SULT1A1: variants seen among roughly 807,000 people sequenced by gnomAD.
The protein encoded by SULT1A1 is sulfotransferase 1A1.
Under a neutral mutation model 36.8 loss-of-function variants are expected in SULT1A1, and 35 were observed. The ratio of observed to expected loss-of-function variants is 0.95; its 90% CI spans 0.73 to 1.26. SULT1A1 has a LOEUF of 1.26. Among genes scored for constraint, SULT1A1 ranks in the 50% most tolerant of loss-of-function variants. The pLI is 0.00. For synonymous variants in SULT1A1, 119 were observed against 146.0 expected (o/e 0.82, Z 1.33); for missense variants, 309 against 383.0 (o/e 0.81, Z 1.61).
Position 28,605,653 on chromosome 16 carries a change from G to T in SULT1A1, c.*168C>A. The T allele has an allele frequency of 9.1e-7, 1 of 1,097,340 alleles. No homozygotes were observed. Among genetic ancestry groups the T allele is most frequent in the Non-Finnish European group, 1.3e-6 (1 of 743,036 alleles). 68.0% of individuals were successfully genotyped at this position (1,097,340 alleles called of 1,614,324 possible). A position where few individuals can be genotyped will look rare whatever the true frequency, so the allele number is the denominator to read the frequency against. ...AACAGAATCTCACTATGTTGCCCAG[G>T]TTGGTCTCGAACTCCTGGGCTCAAA... On this transcript the variant is annotated 3_prime_UTR_variant, in exon 8 of 8. Transcript: ENST00000314752.
upstream of SULT1A1, chr16:28,610,599 A>G (rs2047414400): frequency 4.9e-6 from 1 of 202,278 alleles, no homozygotes; most frequent in South Asian, 6.8e-5. Context: ...GCATGGATGC[A>G]TAGAACAAGA....
chr16:28,608,240 G>A lies in SULT1A1; in HGVS notation c.372+51C>T, dbSNP rs778739507. ...AACCTCAGGTGATCTGCCTGCCTCAGCCTCCCAAAGTGCTGGGATTATGGA... is the reference window on the plus strand; with the variant it reads ...AACCTCAGGTGATCTGCCTGCCTCAACCTCCCAAAGTGCTGGGATTATGGA... On this transcript the variant is annotated intron_variant, in intron 4 of 7. Coordinates refer to ENST00000314752, the MANE Select transcript of SULT1A1 (RefSeq NM_001055.4). 5.5e-5 allele frequency: 88 copies of A among 1,604,142 alleles called. 1 individual carries two copies. The South Asian group carries it at 9.2e-4, about 17-fold the overall frequency.
At chr16:28,623,103 CCCCCAGGTT>C in intron 1 of SULT1A1, 1 of 1,470,908 alleles carries the variant, frequency 6.8e-7, no homozygotes, top group Non-Finnish European at 9.2e-7. Context: ...CTGGTCCCAC[CCCCCAGGTT>C]CCCCCCCCGG....
intron 2 of SULT1A1, 39 bp downstream of exon 2, chr16:28,608,669 C>T: frequency 6.2e-7 from 1 of 1,611,466 alleles, no homozygotes; most frequent in East Asian, 2.2e-5. Context: ...AAGGTGGGGA[C>T]TGCCACCTGG....
chr16:28,611,232 CA>C (rs2047442398), upstream of SULT1A1: 1 of 152,126 alleles, frequency 6.6e-6, no homozygotes, highest in South Asian at 2.1e-4. Flanking sequence ...AGAGTGGTAG[CA>C]AGTGAATACA....
chr16:28,608,457 A>C, intron 3 of SULT1A1, 21 bp downstream of exon 3: 2 of 1,612,340 alleles, frequency 1.2e-6, no homozygotes, highest in Admixed American at 1.7e-5. Context: ...CTCCCCTTGC[A>C]CCCAGGACAC....
rs1268093093 is a variant in SULT1A1 at position 28,605,589 on chromosome 16, C to A, written c.*232G>T. On this transcript the variant is annotated 3_prime_UTR_variant, in exon 8 of 8. Coordinates refer to ENST00000314752, the MANE Select transcript of SULT1A1 (RefSeq NM_001055.4). ...GCCTGGCCCACAATCATATTTTATTCTCTTTTTAAAAATTGGTTTTATTTT... is the reference window on the plus strand; with the variant it reads ...GCCTGGCCCACAATCATATTTTATTATCTTTTTAAAAATTGGTTTTATTTT... 1.4e-6 allele frequency: 1 copy of A among 737,302 alleles called. No homozygotes were observed. Among genetic ancestry groups the A allele is most frequent in the African/African-American group, 1.7e-5 (1 of 58,640 alleles). The allele number at this position is 737,302 out of a possible 1,614,324, so 45.7% of individuals were successfully genotyped here. A position where few individuals can be genotyped will look rare whatever the true frequency, so the allele number is the denominator to read the frequency against.
chr16:28,623,113 C>A (rs770011534), intron 1 of SULT1A1: 4 of 762,790 alleles, frequency 5.2e-6, no homozygotes, highest in Non-Finnish European at 8.0e-6. Flanking sequence ...CCCCCAGGTT[C>A]CCCCCCCGGC....
At chr16:28,606,340 A>G in intron 6 of SULT1A1, 104 bp from the exon 7 acceptor site, 1 of 1,576,592 alleles carries the variant, frequency 6.3e-7, no homozygotes, top group Admixed American at 1.9e-5. Context: ...CACTTCTCCT[A>G]GAAACCCTGC....
intron 6 of SULT1A1, among the ~76,000 whole-genome samples, 165 bp downstream of exon 6, chr16:28,606,596 G>C (rs1391970338): frequency 7.5e-6 from 1 of 133,052 alleles, no homozygotes. Flanking sequence ...GGGGCCCGCT[G>C]CCAGGTGGGG....
At chr16:28,619,858 T>G (rs1251431033) in intron 2 of SULT1A1, among the ~76,000 whole-genome samples, 1 of 151,664 alleles carries the variant, frequency 6.6e-6, no homozygotes, top group Non-Finnish European at 1.5e-5. Flanking sequence ...TATGTGTCAA[T>G]TAAAACATTT....
chr16:28,618,118 C>G (rs1396738249), intron 2 of SULT1A1, among the ~76,000 whole-genome samples: 1 of 149,654 alleles, frequency 6.7e-6, no homozygotes. Flanking sequence ...CAGCTTATTG[C>G]AGCCTTGACC....
intron 6 of SULT1A1, 120 bp downstream of exon 6, chr16:28,606,641 T>C: frequency 6.8e-7 from 1 of 1,462,356 alleles, no homozygotes. Flanking sequence ...GAAGGCAGGA[T>C]GGGGAATCTG....
At chr16:28,620,752 C>A (rs769588189) in intron 1 of SULT1A1, among the ~76,000 whole-genome samples, 19 of 152,114 alleles carry the variant, frequency 1.2e-4, no homozygotes, top group Non-Finnish European at 2.8e-4. Flanking sequence ...TTTTCTCTAC[C>A]TTCCAAACAT....
chr16:28,608,746 C>G lies in SULT1A1; in HGVS notation c.110G>C (p.Arg37Pro). The G allele has an allele frequency of 6.2e-7, 1 of 1,612,890 alleles. No homozygotes were observed. Among genetic ancestry groups the G allele is most frequent in the Non-Finnish European group, 8.5e-7 (1 of 1,179,408 alleles). Reference sequence around the variant, plus strand: ...GGTGCTGATGAGCAGGTCATCAGGCCGGGCCTGGAAGCTCTGCAGGGGCCC... The same window carrying G: ...GGTGCTGATGAGCAGGTCATCAGGCGGGGCCTGGAAGCTCTGCAGGGGCCC... ...ALGPLQSFQA[R>P]PDDLLISTYP... The change falls in exon 2 of 8, where the codon CGG becomes CCG. Residue 37 changes from arginine (R) to proline (P), a missense_variant. Coordinates refer to ENST00000314752, the MANE Select transcript of SULT1A1 (RefSeq NM_001055.4).
intron 2 of SULT1A1, among the ~76,000 whole-genome samples, chr16:28,618,339 CTTTT>C (rs546277570): frequency 1.4e-5 from 1 of 72,398 alleles, no homozygotes; most frequent in African/African-American, 5.6e-5. Flanking sequence ...ACTTCCCGCT[CTTTT>C]TTTTTTTTTT....
chr16:28,616,311 C>T (rs1357536244), intron 2 of SULT1A1, among the ~76,000 whole-genome samples: 1 of 152,116 alleles, frequency 6.6e-6, no homozygotes, highest in Admixed American at 6.5e-5. Context: ...TATAACTATT[C>T]TTGTTTTATA....
Position 28,606,190 on chromosome 16 carries a change from G to T in SULT1A1, c.641C>A (p.Ser214Tyr). 2 of 1,611,814 alleles carry T rather than the reference G, an allele frequency of 1.2e-6. No homozygotes were observed. Among genetic ancestry groups the T allele is most frequent in the Non-Finnish European group, 1.7e-6 (2 of 1,178,274 alleles). The part of the protein sequence containing the change: ...IQKILEFVGR[S>Y]LPEETVDFVV... ...GAAGTCCACGGTCTCCTCTGGCAGG[G>T]AGCGCCCCACAAACTCCAGGATCTT... The change falls in exon 7 of 8, where the codon TCC becomes TAC. Residue 214 changes from serine (S) to tyrosine (Y), a missense_variant. Physicochemically the swap from Ser to Tyr is moderately radical, Grantham distance 144 (BLOSUM62 -2). Around this residue, in one of 3 missense-constraint regions of SULT1A1, gnomAD observed 67 missense variants for 122.0 expected, o/e 0.55. Coordinates refer to ENST00000314752, the MANE Select transcript of SULT1A1 (RefSeq NM_001055.4).
chr16:28,610,640 T>C (rs181975644), upstream of SULT1A1: 17 of 162,462 alleles, frequency 1.0e-4, no homozygotes, highest in East Asian at 2.9e-3. Context: ...CCCATTGCCC[T>C]GGGAGTCAGC....
Sources: gnomAD v4.1 joint callset for allele counts (sites outside exome capture counted in the v4.1 genomes callset) on GRCh38, gnomAD v4.1.1 for gene constraint, gnomAD v4.1.1 regional missense constraint, MANE v1.5 for transcripts, NCBI Gene and HGNC (gene_info 2026-07-23, HGNC 2026-07-21) for gene names.